RBFOX1: variants seen among roughly 807,000 people sequenced by gnomAD.
RBFOX1 encodes the protein RNA binding fox-1 homolog 1, also known as RNA binding protein fox-1 homolog 1.
Under a neutral mutation model 57.7 loss-of-function variants are expected in RBFOX1, and 8 were observed. The observed-to-expected ratio is 0.14, with a 90% CI of 0.08 to 0.25. The LOEUF (loss-of-function observed/expected upper bound fraction) is 0.25, where lower values mean the gene tolerates loss of function less well. Among genes scored for constraint, RBFOX1 ranks in the 10% least tolerant of loss-of-function variants. The pLI is 1.00. For missense variants in RBFOX1, 611 were observed against 548.5 expected (o/e 1.11, Z -1.14); for synonymous variants, 326 against 222.4 (o/e 1.47, Z -4.15).
chr16:6,421,059 A>G (rs1002308925), intron 2 of RBFOX1, among the ~76,000 whole-genome samples: 2 of 152,216 alleles, frequency 1.3e-5, no homozygotes, highest in Non-Finnish European at 2.9e-5. Flanking sequence ...TAGAAGACAT[A>G]ATTTAGACTC....
chr16:6,455,053 T>TC (rs1017239246), intron 2 of RBFOX1, among the ~76,000 whole-genome samples: 4 of 135,300 alleles, frequency 3.0e-5, no homozygotes, highest in African/African-American at 1.1e-4. Context: ...TGGCTAATTT[T>TC]TTTTTTTTTT....
chr16:5,420,082 G>A (rs754585560), intron 1 of RBFOX1, among the ~76,000 whole-genome samples: 2 of 152,152 alleles, frequency 1.3e-5, no homozygotes, highest in Non-Finnish European at 2.9e-5. Flanking sequence ...GAGAGCAGAC[G>A]GGTGCTGTTT....
At chr16:6,295,403 C>T (rs2077990014) in intron 1 of RBFOX1, among the ~76,000 whole-genome samples, 2 of 152,170 alleles carry the variant, frequency 1.3e-5, no homozygotes, top group Non-Finnish European at 2.9e-5. Context: ...GGATTACAGG[C>T]ATAAGCCACC....
At chr16:6,953,713 C>G (rs1047251542) in intron 3 of RBFOX1, among the ~76,000 whole-genome samples, 2 of 152,164 alleles carry the variant, frequency 1.3e-5, no homozygotes, top group African/African-American at 4.8e-5. Flanking sequence ...TTTACACATA[C>G]ATACATATAA....
intron 2 of RBFOX1, among the ~76,000 whole-genome samples, chr16:6,412,969 C>T (rs74007340): frequency 0.13 from 19,328 of 152,064 alleles, 1,845 homozygotes; most frequent in African/African-American, 0.26. Context: ...AATACTCTTG[C>T]CTCAGATACT....
intron 2 of RBFOX1, among the ~76,000 whole-genome samples, chr16:6,606,613 G>C (rs1401233862): frequency 4.6e-5 from 7 of 152,104 alleles, no homozygotes; most frequent in Admixed American, 4.6e-4. Flanking sequence ...GAGAACATGT[G>C]GTGTTTGGTT....
At chr16:6,865,642 C>T (rs569549504) in intron 3 of RBFOX1, among the ~76,000 whole-genome samples, 1 of 152,276 alleles carries the variant, frequency 6.6e-6, no homozygotes, top group South Asian at 2.1e-4. Context: ...ATGTATTCTT[C>T]ATGACGTGTG....
At chr16:5,650,387 C>G (rs1156270397) in intron 3 of RBFOX1, among the ~76,000 whole-genome samples, 3 of 152,126 alleles carry the variant, frequency 2.0e-5, no homozygotes, top group Non-Finnish European at 4.4e-5. Context: ...AGGGCCTCCT[C>G]CATCATCCTG....
chr16:6,447,952 A>G (rs1367243721), intron 2 of RBFOX1, among the ~76,000 whole-genome samples: 2 of 145,664 alleles, frequency 1.4e-5, no homozygotes, highest in Non-Finnish European at 3.0e-5. Context: ...TATCTGTGTT[A>G]CAATAACAAG....
chr16:6,777,426 C>T (rs1428669466), intron 3 of RBFOX1, among the ~76,000 whole-genome samples: 1 of 152,076 alleles, frequency 6.6e-6, no homozygotes, highest in Non-Finnish European at 1.5e-5. Flanking sequence ...ACAAAGAAAC[C>T]AACCAAATAA....
intron 4 of RBFOX1, among the ~76,000 whole-genome samples, chr16:7,098,351 G>A (rs1040995019): frequency 3.3e-5 from 5 of 152,182 alleles, no homozygotes; most frequent in African/African-American, 1.2e-4. Context: ...TATATTTTTA[G>A]TGGAGATGGG....
At chr16:5,556,975 TG>T (rs1386169488) in intron 2 of RBFOX1, among the ~76,000 whole-genome samples, 1 of 152,164 alleles carries the variant, frequency 6.6e-6, no homozygotes, top group Non-Finnish European at 1.5e-5. Context: ...TAAAATTCTC[TG>T]GGACTGAACT....
At chr16:5,609,788 CG>C (rs1428400951) in intron 3 of RBFOX1, among the ~76,000 whole-genome samples, 5 of 149,062 alleles carry the variant, frequency 3.4e-5, no homozygotes, top group Admixed American at 6.8e-5. Flanking sequence ...TATTTTTTAT[CG>C]GCCACCTACT....
At chr16:5,424,740 G>A (rs944250318) in intron 1 of RBFOX1, among the ~76,000 whole-genome samples, 3 of 151,914 alleles carry the variant, frequency 2.0e-5, no homozygotes, top group East Asian at 3.9e-4. Context: ...GTTGAATATT[G>A]TTGGGGTTTG....
intron 2 of RBFOX1, among the ~76,000 whole-genome samples, chr16:6,597,698 A>C (rs2097790908): frequency 6.6e-6 from 1 of 152,120 alleles, no homozygotes; most frequent in African/African-American, 2.4e-5. Context: ...ACCAAAAAAC[A>C]GGGACCCAAT....
At chr16:6,649,696 C>T (rs925710033) in intron 2 of RBFOX1, among the ~76,000 whole-genome samples, 1 of 152,110 alleles carries the variant, frequency 6.6e-6, no homozygotes, top group African/African-American at 2.4e-5. Context: ...GCCATTATTT[C>T]ATTCATTTTT....
At chr16:7,265,481 C>G (rs546507775) in intron 4 of RBFOX1, among the ~76,000 whole-genome samples, 60 of 151,972 alleles carry the variant, frequency 3.9e-4, no homozygotes, top group African/African-American at 1.4e-3. Flanking sequence ...TGTAGTCTTG[C>G]TCTGTCACCC....
At chr16:6,609,982 C>G (rs2098018549) in intron 2 of RBFOX1, among the ~76,000 whole-genome samples, 1 of 150,980 alleles carries the variant, frequency 6.6e-6, no homozygotes, top group Non-Finnish European at 1.5e-5. Context: ...CACTCCAGGC[C>G]TGGCAGTAGT....
chr16:6,675,201 G>A (rs1029156456), intron 3 of RBFOX1, among the ~76,000 whole-genome samples: 3 of 152,186 alleles, frequency 2.0e-5, no homozygotes, highest in Admixed American at 6.5e-5. Context: ...ACTGCGCCCG[G>A]CCCATTTCTG....
Sources: gnomAD v4.1 joint callset for allele counts (sites outside exome capture counted in the v4.1 genomes callset) on GRCh38, gnomAD v4.1.1 for gene constraint, MANE v1.5 for transcripts, NCBI Gene and HGNC (gene_info 2026-07-23, HGNC 2026-07-21) for gene names.